Variants in GABRB3 observed in about 807,000 individuals in gnomAD.
The protein encoded by GABRB3 is gamma-aminobutyric acid receptor subunit beta-3.
In GABRB3, 14 loss-of-function variants were observed where a neutral mutation model predicts 52.1. That is an observed-to-expected ratio of 0.27 (90% confidence interval 0.18 to 0.42). GABRB3 has a LOEUF of 0.42. Among genes scored for constraint, GABRB3 ranks in the 10% least tolerant of loss-of-function variants. The pLI is 1.00. For synonymous variants in GABRB3, 260 were observed against 232.3 expected (o/e 1.12, Z -1.08); for missense variants, 307 against 609.1 (o/e 0.50, Z 5.22).
At chr15:26,559,021 T>A (rs1472837408) in intron 8 of GABRB3, among the ~76,000 whole-genome samples, 1 of 152,122 alleles carries the variant, frequency 6.6e-6, no homozygotes, top group East Asian at 1.9e-4. Flanking sequence ...CAGGCACATC[T>A]CACGAGGACA....
intron 3 of GABRB3, among the ~76,000 whole-genome samples, chr15:26,685,177 C>A (rs1888363246): frequency 6.6e-6 from 1 of 152,182 alleles, no homozygotes; most frequent in Non-Finnish European, 1.5e-5. Flanking sequence ...TGGCTGCCTT[C>A]CCACCTGGGT....
intron 8 of GABRB3, among the ~76,000 whole-genome samples, chr15:26,552,566 C>T (rs555771702): frequency 1.7e-4 from 26 of 152,246 alleles, no homozygotes; most frequent in African/African-American, 5.3e-4. Context: ...AGTGCTAGGG[C>T]CACATCTTCC....
At chr15:26,687,234 G>C (rs1888434925) in intron 3 of GABRB3, among the ~76,000 whole-genome samples, 1 of 152,170 alleles carries the variant, frequency 6.6e-6, no homozygotes, top group Non-Finnish European at 1.5e-5. Context: ...TTATTTTAAG[G>C]ATATTTCACA....
chr15:26,758,837 T>C (rs1283865206), intron 3 of GABRB3, among the ~76,000 whole-genome samples: 1 of 152,234 alleles, frequency 6.6e-6, no homozygotes. Context: ...ACAAATTATG[T>C]CAAGGTGGTA....
intron 4 of GABRB3, among the ~76,000 whole-genome samples, chr15:26,589,273 G>A (rs1408205923): frequency 6.6e-6 from 1 of 152,178 alleles, no homozygotes; most frequent in Non-Finnish European, 1.5e-5. Context: ...TGTAAATGTT[G>A]CTGTCTGATG....
chr15:26,607,716 C>T (rs942595062), intron 4 of GABRB3, among the ~76,000 whole-genome samples: 97 of 151,896 alleles, frequency 6.4e-4, no homozygotes, highest in African/African-American at 2.3e-3. Flanking sequence ...AGGGAACAAT[C>T]CCATTTACAA....
chr15:26,659,339 G>C (rs1453503479), intron 3 of GABRB3, among the ~76,000 whole-genome samples: 1 of 152,106 alleles, frequency 6.6e-6, no homozygotes, highest in South Asian at 2.1e-4. Context: ...CCTTGCCAAG[G>C]TGGTGAAACT....
At chr15:26,667,837 T>C (rs1396386704) in intron 3 of GABRB3, among the ~76,000 whole-genome samples, 4 of 152,168 alleles carry the variant, frequency 2.6e-5, no homozygotes, top group South Asian at 2.1e-4. Context: ...CTCAGAGGCA[T>C]GCTCAAGCAT....
At position 26,554,190 on chromosome 15, in the gene GABRB3, A is replaced by ATATATATATAT. The variant is rs1567097853; in HGVS notation, c.1081-6057_1081-6056insATATATATATA. On this transcript the variant is annotated intron_variant, in intron 8 of 8. Coordinates refer to ENST00000311550, the MANE Select transcript of GABRB3 (RefSeq NM_000814.6). ...ATATATATAAAGTATATATATATAT[A>ATATATATATAT]CTATATATATATATATATAGTAGAA... Among the ~76,000 whole-genome samples the ATATATATATAT allele has an allele frequency of 5.6e-3, 176 of 31,504 alleles. 14 individuals carry two copies. Among genetic ancestry groups the ATATATATATAT allele is most frequent in the Non-Finnish European group, 8.0e-3 (125 of 15,698 alleles). 20.7% of individuals were successfully genotyped at this position (31,504 alleles called of 152,430 possible). A position where few individuals can be genotyped will look rare whatever the true frequency, so the allele number is the denominator to read the frequency against.
intron 3 of GABRB3, among the ~76,000 whole-genome samples, chr15:26,771,590 A>T (rs1489623267): frequency 6.6e-6 from 1 of 152,248 alleles, no homozygotes; most frequent in Admixed American, 6.5e-5. Context: ...AACAAATGAA[A>T]GGGCCATCCT....
At chr15:26,716,112 G>A (rs1889457783) in intron 3 of GABRB3, among the ~76,000 whole-genome samples, 1 of 152,172 alleles carries the variant, frequency 6.6e-6, no homozygotes, top group East Asian at 1.9e-4. Flanking sequence ...TGACTCAAGG[G>A]AAACAAACAG....
chr15:26,615,950 A>AAGCAGGAAC (rs1892240190), intron 4 of GABRB3: 1 of 1,289,008 alleles, frequency 7.8e-7, no homozygotes, highest in African/African-American at 1.5e-5. Context: ...AGTACTTTAC[A>AAGCAGGAAC]AGCAGGAACA....
chr15:26,606,819 T>TAGATAGAC (rs1891848682), intron 4 of GABRB3, among the ~76,000 whole-genome samples: 2 of 75,674 alleles, frequency 2.6e-5, no homozygotes, highest in Non-Finnish European at 6.0e-5. Context: ...GATAGATAGA[T>TAGATAGAC]AGATAGATAG....
chr15:26,641,738 G>A (rs1323205787), intron 3 of GABRB3, among the ~76,000 whole-genome samples: 2 of 152,178 alleles, frequency 1.3e-5, no homozygotes, highest in African/African-American at 4.8e-5. Flanking sequence ...TGTGATGGAG[G>A]ACAGCTGACA....
chr15:26,656,520 G>T (rs1009447285), intron 3 of GABRB3, among the ~76,000 whole-genome samples: 4 of 152,192 alleles, frequency 2.6e-5, no homozygotes, highest in Non-Finnish European at 5.9e-5. Context: ...TGTGGTCTGG[G>T]ACCAGTCCGT....
intron 3 of GABRB3, among the ~76,000 whole-genome samples, chr15:26,622,458 G>C (rs1237039917): frequency 6.6e-6 from 1 of 152,218 alleles, no homozygotes; most frequent in Non-Finnish European, 1.5e-5. Flanking sequence ...GCACCCTTCT[G>C]TGGAAAGATA....
chr15:26,700,987 G>A (rs1325729927), intron 3 of GABRB3, among the ~76,000 whole-genome samples: 3 of 151,940 alleles, frequency 2.0e-5, no homozygotes, highest in Non-Finnish European at 4.4e-5. Flanking sequence ...CCTGGGAGGC[G>A]GAGTTTGCAG....
chr15:26,556,599 G>T (rs1889761088), intron 8 of GABRB3, among the ~76,000 whole-genome samples: 2 of 152,194 alleles, frequency 1.3e-5, no homozygotes, highest in African/African-American at 4.8e-5. Context: ...GGAACAAACA[G>T]ATGGTATGCA....
chr15:26,758,385 G>A (rs1890720099), intron 3 of GABRB3, among the ~76,000 whole-genome samples: 1 of 147,502 alleles, frequency 6.8e-6, no homozygotes. Context: ...TCTGAAGGAT[G>A]TTGGAGAAGA....
Sources: gnomAD v4.1 joint callset for allele counts (sites outside exome capture counted in the v4.1 genomes callset) on GRCh38, gnomAD v4.1.1 for gene constraint, MANE v1.5 for transcripts, NCBI Gene and HGNC (gene_info 2026-07-23, HGNC 2026-07-21) for gene names.